The following B3GLCT variants were observed in gnomAD, a reference collection of about 807,000 sequenced individuals.
The protein encoded by B3GLCT is beta-1,3-glucosyltransferase.
A neutral mutation model predicts 63.4 loss-of-function variants in B3GLCT; 65 were observed. The ratio of observed to expected loss-of-function variants is 1.03; its 90% CI spans 0.84 to 1.26. The LOEUF (loss-of-function observed/expected upper bound fraction) is 1.26, where lower values mean the gene tolerates loss of function less well. Ranked by LOEUF, B3GLCT falls within the 50% of genes most tolerant of loss-of-function variation. The probability of loss-of-function intolerance (pLI) is 0.00; values close to 1 mark genes in which losing one functional copy is unlikely to be tolerated. For synonymous variants in B3GLCT, 233 were observed against 219.2 expected (o/e 1.06, Z -0.55); for missense variants, 577 against 604.8 (o/e 0.95, Z 0.48).
At chr13:31,278,861 G>A (rs368042872) in intron 10 of B3GLCT, among the ~76,000 whole-genome samples, 7 of 152,028 alleles carry the variant, frequency 4.6e-5, no homozygotes, top group Admixed American at 2.0e-4. Flanking sequence ...ACACTTCCTC[G>A]TGATATGATA....
chr13:31,209,149 T>C (rs1047574519), intron 1 of B3GLCT, among the ~76,000 whole-genome samples: 3 of 152,212 alleles, frequency 2.0e-5, no homozygotes, highest in Admixed American at 1.3e-4. Context: ...TTGGAGGTGC[T>C]GTCCCATGGT....
At chr13:31,259,589 T>A (rs1400254693) in intron 6 of B3GLCT, among the ~76,000 whole-genome samples, 1 of 151,602 alleles carries the variant, frequency 6.6e-6, no homozygotes, top group Non-Finnish European at 1.5e-5. Flanking sequence ...TGAGGGAAAC[T>A]TGCATGCGGC....
chr13:31,263,181 A>C (rs1245225373), intron 7 of B3GLCT, among the ~76,000 whole-genome samples: 3 of 152,178 alleles, frequency 2.0e-5, no homozygotes, highest in Admixed American at 6.5e-5. Flanking sequence ...CCTGAAGGCA[A>C]ATCCTTATAG....
intron 9 of B3GLCT, 98 bp from the exon 10 acceptor site, chr13:31,276,604 A>G (rs562268581): frequency 3.8e-6 from 3 of 792,610 alleles, no homozygotes; most frequent in South Asian, 2.8e-5. Flanking sequence ...TATCCTTGAC[A>G]TTGGTTAATT....
intron 8 of B3GLCT, among the ~76,000 whole-genome samples, chr13:31,270,179 C>T (rs1872520331): frequency 6.6e-6 from 1 of 152,034 alleles, no homozygotes; most frequent in Non-Finnish European, 1.5e-5. Flanking sequence ...TTTTGCATTT[C>T]ACTTGTGGGC....
intron 4 of B3GLCT, among the ~76,000 whole-genome samples, chr13:31,234,007 CT>C (rs57331266): frequency 0.043 from 6,332 of 147,252 alleles, 147 homozygotes; most frequent in Non-Finnish European, 0.051. Context: ...GGCAGTTTTT[CT>C]TTTTTTTTTT....
chr13:31,309,621 G>C (rs1874596709), intron 12 of B3GLCT, among the ~76,000 whole-genome samples: 1 of 152,238 alleles, frequency 6.6e-6, no homozygotes, highest in Admixed American at 6.5e-5. Context: ...ATATTATCAA[G>C]GATGCAGATG....
intron 8 of B3GLCT, 40 bp downstream of exon 8, chr13:31,269,317 A>G (rs1283137669): frequency 7.0e-7 from 1 of 1,428,666 alleles, no homozygotes; most frequent in Non-Finnish European, 9.9e-7. Flanking sequence ...TTACTAATCA[A>G]GAATTCATGT....
At chr13:31,275,734 A>G (rs1872752055) in intron 9 of B3GLCT, among the ~76,000 whole-genome samples, 1 of 152,164 alleles carries the variant, frequency 6.6e-6, no homozygotes, top group Non-Finnish European at 1.5e-5. Flanking sequence ...GTTATTCTCA[A>G]GTCAGTCACA....
At chr13:31,256,645 C>T (rs1871755931) in intron 6 of B3GLCT, among the ~76,000 whole-genome samples, 1 of 152,132 alleles carries the variant, frequency 6.6e-6, no homozygotes, top group Admixed American at 6.5e-5. Context: ...AGCTGGAAGC[C>T]ATCATTCTCA....
chr13:31,229,819 T>G (rs116252688), intron 4 of B3GLCT, among the ~76,000 whole-genome samples: 3,230 of 129,836 alleles, frequency 0.025, 105 homozygotes, highest in African/African-American at 0.078. Context: ...GAATTTTTTT[T>G]TGTGTGTGTG....
At chr13:31,258,927 C>G (rs1000212887) in intron 6 of B3GLCT, among the ~76,000 whole-genome samples, 2 of 152,076 alleles carry the variant, frequency 1.3e-5, no homozygotes, top group African/African-American at 4.8e-5. Flanking sequence ...GCATTTTAGC[C>G]CTTTTCCTTT....
chr13:31,261,021 A>T lies in B3GLCT; in HGVS notation c.535A>T (p.Thr179Ser), dbSNP rs115265063. The change falls in exon 7 of 15, where the codon ACA becomes TCA. Residue 179 changes from threonine to serine, a missense_variant. By Grantham distance (58) the Thr-to-Ser change is moderately conservative (BLOSUM62 1). Coordinates refer to ENST00000343307, the MANE Select transcript of B3GLCT (RefSeq NM_194318.4). ...CCATTATGCCTTTTCCGAGAATCCT[A>T]CAGTTTTTAAGTATCCAGACTTTGC... ...IHHYAFSENPTVFKYPDFAAG... is the reference protein window; with the variant it reads ...IHHYAFSENPSVFKYPDFAAG... 1.9e-6 allele frequency: 3 copies of T among 1,614,070 alleles called. No individual in the cohort carries two copies. The African/African-American group carries it at 4.0e-5, about 22-fold the overall frequency.
At chr13:31,221,506 A>T (rs1334205125) in intron 2 of B3GLCT, among the ~76,000 whole-genome samples, 2 of 152,228 alleles carry the variant, frequency 1.3e-5, no homozygotes, top group Admixed American at 6.5e-5. Flanking sequence ...TTTCATCAGG[A>T]TTAAGTTAGG....
chr13:31,254,230 G>A (rs2313817), intron 6 of B3GLCT, among the ~76,000 whole-genome samples: 96,557 of 152,054 alleles, frequency 0.64, 31,455 homozygotes, highest in East Asian at 0.99. Flanking sequence ...ACAATAAAAA[G>A]AGAAAATTTC....
intron 11 of B3GLCT, among the ~76,000 whole-genome samples, chr13:31,285,104 T>C (rs1286065184): frequency 6.6e-6 from 1 of 152,212 alleles, no homozygotes; most frequent in Admixed American, 6.5e-5. Flanking sequence ...TATAGTCTAG[T>C]TCACATATTA....
At chr13:31,203,225 T>G (rs1868772960) in intron 1 of B3GLCT, among the ~76,000 whole-genome samples, 1 of 152,152 alleles carries the variant, frequency 6.6e-6, no homozygotes, top group South Asian at 2.1e-4. Flanking sequence ...TCCAGGTTGT[T>G]TTGTGTTTTT....
At chr13:31,218,147 G>A in intron 2 of B3GLCT, among the ~76,000 whole-genome samples, 1 of 146,792 alleles carries the variant, frequency 6.8e-6, no homozygotes, top group Admixed American at 6.8e-5. Context: ...TACTTCCCTG[G>A]TTAGCTGTAT....
intron 3 of B3GLCT, among the ~76,000 whole-genome samples, chr13:31,228,125 A>G (rs1870193132): frequency 6.6e-6 from 1 of 152,216 alleles, no homozygotes. Context: ...GTGCATCTCT[A>G]GCAGGCTGGT....
Sources: gnomAD v4.1 joint callset for allele counts (sites outside exome capture counted in the v4.1 genomes callset) on GRCh38, gnomAD v4.1.1 for gene constraint, MANE v1.5 for transcripts, NCBI Gene and HGNC (gene_info 2026-07-23, HGNC 2026-07-21) for gene names.